The following BCAS3 variants were observed in gnomAD, a reference collection of about 807,000 sequenced individuals.
The protein encoded by BCAS3 is BCAS4/BCAS3 fusion.
BCAS3 carries 53 observed loss-of-function variants against 116.1 expected under a neutral mutation model. That is an observed-to-expected ratio of 0.46 (90% CI 0.37 to 0.57). The LOEUF is 0.57. BCAS3 is among the 20% of genes least tolerant of loss of function. The pLI, the probability that BCAS3 is intolerant of heterozygous loss-of-function variation, is 0.00. For synonymous variants in BCAS3, 391 were observed against 408.2 expected (o/e 0.96, Z 0.51); for missense variants, 917 against 1,165.4 (o/e 0.79, Z 3.10).
intron 4 of BCAS3, among the ~76,000 whole-genome samples, chr17:60,705,268 C>G (rs1213621635): frequency 1.3e-5 from 2 of 152,148 alleles, no homozygotes; most frequent in African/African-American, 2.4e-5. Context: ...CCTGTAATCC[C>G]AGCACTTTGG....
At chr17:60,865,165 T>C (rs2054488305) in intron 7 of BCAS3, among the ~76,000 whole-genome samples, 1 of 152,074 alleles carries the variant, frequency 6.6e-6, no homozygotes, top group Admixed American at 6.6e-5. Flanking sequence ...TCAACTTGCT[T>C]GACACAGGTT....
intron 16 of BCAS3, among the ~76,000 whole-genome samples, chr17:61,031,678 A>G (rs530949477): frequency 6.6e-6 from 1 of 152,214 alleles, no homozygotes; most frequent in East Asian, 1.9e-4. Context: ...TTTACCCAAT[A>G]TGCTTCATAC....
In BCAS3 at chr17:61,040,774, C is replaced by A; in HGVS notation, c.1929-18C>A. Reference sequence around the variant, plus strand: ...TCTATTAAGCTTAAATATTAATATTCTTCTCCTGTTTCCTTAGAACCCCTC... The same window carrying A: ...TCTATTAAGCTTAAATATTAATATTATTCTCCTGTTTCCTTAGAACCCCTC... On this transcript the variant is annotated intron_variant, in intron 18 of 23. Coordinates refer to ENST00000407086, the MANE Select transcript of BCAS3 (RefSeq NM_017679.5). The A allele has an allele frequency of 1.3e-6, 2 of 1,590,374 alleles. No homozygotes were observed. The highest frequency in any genetic ancestry group is 1.7e-6 in the Non-Finnish European group (2 of 1,158,536).
chr17:61,006,398 T>G (rs1415443557), intron 15 of BCAS3, among the ~76,000 whole-genome samples: 4 of 152,140 alleles, frequency 2.6e-5, no homozygotes, highest in African/African-American at 9.7e-5. Context: ...AACCAACTTC[T>G]GATACTTCTA....
At chr17:60,784,524 C>T (rs886356864) in intron 6 of BCAS3, among the ~76,000 whole-genome samples, 2 of 150,998 alleles carry the variant, frequency 1.3e-5, no homozygotes, top group Admixed American at 6.6e-5. Context: ...AGGATGGTCT[C>T]GATCTCTTGA....
intron 12 of BCAS3, among the ~76,000 whole-genome samples, chr17:60,917,278 A>G (rs2058824108): frequency 6.6e-6 from 1 of 152,194 alleles, no homozygotes; most frequent in African/African-American, 2.4e-5. Context: ...TCACCATCTG[A>G]AACTGAAAGT....
chr17:60,905,278 A>G (rs1337359254), intron 11 of BCAS3, among the ~76,000 whole-genome samples: 3 of 152,220 alleles, frequency 2.0e-5, no homozygotes, highest in African/African-American at 7.2e-5. Context: ...GTCACAATCC[A>G]TTTGAGATAA....
At chr17:61,267,984 A>G (rs1377305530) in intron 22 of BCAS3, among the ~76,000 whole-genome samples, 2 of 152,048 alleles carry the variant, frequency 1.3e-5, no homozygotes, top group Non-Finnish European at 2.9e-5. Flanking sequence ...TCTCTTGAAT[A>G]TTTAATGTAA....
rs1371924239 is a variant in BCAS3, at chr17:60,766,428, T to G, written c.403+19149T>G. On this transcript the variant is annotated intron_variant, in intron 6 of 23. Coordinates refer to ENST00000407086, the MANE Select transcript of BCAS3 (RefSeq NM_017679.5). ...ATGCTATTTCTTTCTGTTGGCTAGT[T>G]TTCCTTCTAACAGTCAGGTCCCTCA... 2.0e-5 allele frequency among the ~76,000 whole-genome samples: 3 copies of G among 152,198 alleles called. No homozygotes were observed. The East Asian group carries it at 5.8e-4, about 29-fold the overall frequency.
rs570048827 is a variant in BCAS3, at chr17:60,782,458, C to T, written c.404-25546C>T. Reference sequence around the variant, plus strand: ...TAATTATGAAAGCCAGTTTGGAAATCCATGCCTATCTGATTTAAAATTCCA... The same window carrying T: ...TAATTATGAAAGCCAGTTTGGAAATTCATGCCTATCTGATTTAAAATTCCA... On this transcript the variant is annotated intron_variant, in intron 6 of 23. Transcript: ENST00000407086. 2.0e-5 allele frequency among the ~76,000 whole-genome samples: 3 copies of T among 152,138 alleles called. No individual in the cohort carries two copies. In the South Asian group the frequency reaches 6.2e-4, roughly 32 times the overall value.
chr17:61,064,459 GC>G (rs2070397886), intron 19 of BCAS3, among the ~76,000 whole-genome samples: 1 of 152,118 alleles, frequency 6.6e-6, no homozygotes, highest in Admixed American at 6.5e-5. Context: ...TAAATTGTGA[GC>G]CCAGCCAGAC....
At chr17:61,090,084 C>T (rs945989637) in intron 22 of BCAS3, among the ~76,000 whole-genome samples, 1 of 152,182 alleles carries the variant, frequency 6.6e-6, no homozygotes, top group African/African-American at 2.4e-5. Flanking sequence ...CTGAAACCTT[C>T]AAGTCATTCT....
intron 19 of BCAS3, among the ~76,000 whole-genome samples, chr17:61,055,603 C>T (rs187333348): frequency 6.6e-6 from 1 of 152,182 alleles, no homozygotes; most frequent in Non-Finnish European, 1.5e-5. Flanking sequence ...GCACCTTTCT[C>T]AGCAGACACA....
intron 22 of BCAS3, among the ~76,000 whole-genome samples, chr17:61,273,924 C>T (rs1484402398): frequency 2.7e-5 from 3 of 113,118 alleles, no homozygotes; most frequent in South Asian, 2.4e-4. Context: ...TTTTTTTTTT[C>T]CCCCACTGGC....
intron 19 of BCAS3, among the ~76,000 whole-genome samples, chr17:61,061,605 C>G (rs1372360514): frequency 6.6e-6 from 1 of 152,196 alleles, no homozygotes; most frequent in Non-Finnish European, 1.5e-5. Flanking sequence ...ACCTTTACAA[C>G]ATCAATTTAC....
chr17:61,028,812 G>A lies in BCAS3; in HGVS notation c.1638-5854G>A, dbSNP rs1366615011. Reference sequence around the variant, plus strand: ...GCTTTGTGGTTTGTTTGATGCCATCGTTAGCTCACAAGAAACTCGTTTTTA... The same window carrying A: ...GCTTTGTGGTTTGTTTGATGCCATCATTAGCTCACAAGAAACTCGTTTTTA... On this transcript the variant is annotated intron_variant, in intron 16 of 23. Transcript: ENST00000407086. This position sits in a 1 kb window ranked among gnomAD's most constrained non-coding sequence, Gnocchi z 4.3. Among the ~76,000 whole-genome samples the A allele has an allele frequency of 6.6e-6, 1 of 151,878 alleles. No homozygotes were observed. Among genetic ancestry groups the A allele is most frequent in the Non-Finnish European group, 1.5e-5 (1 of 67,814 alleles).
At chr17:60,682,212 G>T (rs758727782) in intron 2 of BCAS3, among the ~76,000 whole-genome samples, 2 of 152,136 alleles carry the variant, frequency 1.3e-5, no homozygotes, top group Non-Finnish European at 2.9e-5. Context: ...CACTTAACCC[G>T]GAGAACTAAA....
At chr17:61,103,472 C>T (rs1415978873) in intron 22 of BCAS3, among the ~76,000 whole-genome samples, 1 of 152,114 alleles carries the variant, frequency 6.6e-6, no homozygotes, top group African/African-American at 2.4e-5. Context: ...AAATTAACTC[C>T]CTAAGTCTCC....
chr17:60,922,119 G>A (rs2059135172), intron 12 of BCAS3, among the ~76,000 whole-genome samples: 1 of 151,832 alleles, frequency 6.6e-6, no homozygotes, highest in Non-Finnish European at 1.5e-5. Context: ...AAAATTGAAA[G>A]AAGAAATTTT....
Sources: allele counts gnomAD v4.1 joint callset (sites outside exome capture counted in the v4.1 genomes callset), GRCh38; gene constraint gnomAD v4.1.1; non-coding constraint Gnocchi (gnomAD v3.1); transcripts MANE v1.5; gene names NCBI Gene and HGNC (gene_info 2026-07-23, HGNC 2026-07-21).